Variants in SUPT3H observed in about 807,000 individuals in gnomAD.
The protein encoded by SUPT3H is SPT3 homolog, SAGA and STAGA complex component, also known as transcription initiation protein SPT3 homolog.
A neutral mutation model predicts 44.3 loss-of-function variants in SUPT3H; 44 were observed. The observed-to-expected ratio is 0.99, with a 90% CI of 0.78 to 1.28. SUPT3H has a LOEUF of 1.28. SUPT3H is among the 50% of genes most tolerant of loss of function. The pLI, the probability that SUPT3H is intolerant of heterozygous loss-of-function variation, is 0.00. For synonymous variants in SUPT3H, 124 were observed against 125.6 expected (o/e 0.99, Z 0.09); for missense variants, 380 against 387.1 (o/e 0.98, Z 0.15).
chr6:44,822,694 T>C (rs1026000226), downstream of SUPT3H, among the ~76,000 whole-genome samples: 1 of 152,214 alleles, frequency 6.6e-6, no homozygotes, highest in African/African-American at 2.4e-5. Flanking sequence ...TTCTGAGACA[T>C]TGTATTTGTC....
At chr6:45,244,676 A>C (rs1337306561) in intron 2 of SUPT3H, among the ~76,000 whole-genome samples, 1 of 152,112 alleles carries the variant, frequency 6.6e-6, no homozygotes, top group Non-Finnish European at 1.5e-5. Flanking sequence ...GTAATTTTCT[A>C]ACTCATTACC....
At chr6:44,877,965 T>C (rs1028802885) in intron 10 of SUPT3H, among the ~76,000 whole-genome samples, 1 of 152,190 alleles carries the variant, frequency 6.6e-6, no homozygotes, top group South Asian at 2.1e-4. Flanking sequence ...TTCCTTAGTA[T>C]GTCTAAAAGG....
At chr6:45,071,495 T>G (rs941398369) in intron 3 of SUPT3H, among the ~76,000 whole-genome samples, 1 of 151,958 alleles carries the variant, frequency 6.6e-6, no homozygotes, top group Non-Finnish European at 1.5e-5. Context: ...CAGAAAAGGG[T>G]AAAAGAGAAT....
chr6:45,037,443 T>TA (rs1402189915), intron 3 of SUPT3H, among the ~76,000 whole-genome samples: 1 of 149,880 alleles, frequency 6.7e-6, no homozygotes, highest in Non-Finnish European at 1.5e-5. Flanking sequence ...GGTCAGGAGT[T>TA]AGAGACCAGC....
intron 3 of SUPT3H, among the ~76,000 whole-genome samples, chr6:45,084,039 C>G (rs1357789169): frequency 2.0e-5 from 3 of 152,108 alleles, no homozygotes; most frequent in East Asian, 1.9e-4. Flanking sequence ...CTGTAAGAAT[C>G]CTAGAAGAAT....
At chr6:44,857,310 C>T (rs990604765) in intron 10 of SUPT3H, among the ~76,000 whole-genome samples, 3 of 152,016 alleles carry the variant, frequency 2.0e-5, no homozygotes, top group Admixed American at 6.6e-5. Flanking sequence ...AGGACAAAAG[C>T]GGAAGAGAAA....
intron 10 of SUPT3H, among the ~76,000 whole-genome samples, chr6:44,912,371 T>C (rs1305566415): frequency 6.6e-6 from 1 of 152,202 alleles, no homozygotes; most frequent in African/African-American, 2.4e-5. Flanking sequence ...CTTAGCATAA[T>C]ATTTTCAAGG....
intron 2 of SUPT3H, among the ~76,000 whole-genome samples, chr6:45,242,483 A>G (rs184655084): frequency 4.6e-5 from 7 of 152,332 alleles, no homozygotes; most frequent in Admixed American, 4.6e-4. Context: ...GAAGATGAAC[A>G]TTCTCAGAGC....
intron 2 of SUPT3H, among the ~76,000 whole-genome samples, chr6:45,297,797 CTT>C (rs1398489505): frequency 6.6e-6 from 1 of 152,152 alleles, no homozygotes; most frequent in Admixed American, 6.5e-5. Context: ...CCAGAGAAAA[CTT>C]AGCACAGAGT....
At chr6:45,368,736 G>C (rs1457294304) in intron 1 of SUPT3H, among the ~76,000 whole-genome samples, 1 of 152,056 alleles carries the variant, frequency 6.6e-6, no homozygotes, top group Non-Finnish European at 1.5e-5. Context: ...TATTTCAGCA[G>C]ACCTATGTAC....
chr6:45,216,546 A>G (rs765037569), intron 2 of SUPT3H, among the ~76,000 whole-genome samples: 2 of 152,174 alleles, frequency 1.3e-5, no homozygotes, highest in Non-Finnish European at 2.9e-5. Context: ...CAAACACACT[A>G]CCTACAAGAA....
chr6:44,884,021 T>C (rs1330219289), intron 10 of SUPT3H, among the ~76,000 whole-genome samples: 3 of 152,084 alleles, frequency 2.0e-5, no homozygotes, highest in Non-Finnish European at 4.4e-5. Context: ...TGGGATCTAA[T>C]TAAACTAAAG....
At chr6:45,089,684 A>AT (rs11438698) in intron 3 of SUPT3H, among the ~76,000 whole-genome samples, 147,906 of 151,130 alleles carry the variant, frequency 0.98, 72,388 homozygotes, top group East Asian at 1. Flanking sequence ...GCAGCTCTAC[A>AT]TTTTTTTTTC....
chr6:44,894,215 T>C (rs2153443927), intron 10 of SUPT3H, among the ~76,000 whole-genome samples: 1 of 144,260 alleles, frequency 6.9e-6, no homozygotes, highest in East Asian at 2.0e-4. Context: ...GTGCAGAAGC[T>C]CTTTAGTTTA....
At chr6:45,279,153 C>A (rs893506177) in intron 2 of SUPT3H, among the ~76,000 whole-genome samples, 2 of 152,144 alleles carry the variant, frequency 1.3e-5, no homozygotes, top group Non-Finnish European at 2.9e-5. Context: ...TAAAAACAGC[C>A]TTCAAATATC....
chr6:45,323,703 T>C (rs1174968881), intron 2 of SUPT3H, among the ~76,000 whole-genome samples: 1 of 152,098 alleles, frequency 6.6e-6, no homozygotes, highest in Non-Finnish European at 1.5e-5. Flanking sequence ...TATTTAATAC[T>C]AAAAGAGTTC....
intron 2 of SUPT3H, among the ~76,000 whole-genome samples, chr6:45,306,503 G>A (rs1053973585): frequency 6.6e-6 from 1 of 152,104 alleles, no homozygotes; most frequent in Admixed American, 6.5e-5. Context: ...ACCAACAAGC[G>A]CCCTCATAAG....
chr6:45,295,704 C>T (rs9369557), intron 2 of SUPT3H, among the ~76,000 whole-genome samples: 149,075 of 152,172 alleles, frequency 0.98, 73,031 homozygotes, highest in Middle Eastern at 1. Flanking sequence ...AGGACAGGAA[C>T]AGACAATTCT....
chr6:44,937,716 G>A (rs1771693616), intron 9 of SUPT3H, among the ~76,000 whole-genome samples: 1 of 151,852 alleles, frequency 6.6e-6, no homozygotes, highest in Non-Finnish European at 1.5e-5. Context: ...TTGGCCATCG[G>A]TATGTCTTAT....
Sources: allele counts gnomAD v4.1 joint callset (sites outside exome capture counted in the v4.1 genomes callset), GRCh38; gene constraint gnomAD v4.1.1; transcripts MANE v1.5; gene names NCBI Gene and HGNC (gene_info 2026-07-23, HGNC 2026-07-21).